NCS1: variants seen among roughly 807,000 people sequenced by gnomAD.
NCS1 encodes frequenin homolog.
In NCS1, 6 loss-of-function variants were observed where a neutral mutation model predicts 28.4. The ratio of observed to expected loss-of-function variants is 0.21; its 90% CI spans 0.12 to 0.42. The LOEUF is 0.42. Ranked by LOEUF, NCS1 falls within the 10% of genes least tolerant of loss-of-function variation. The probability of loss-of-function intolerance (pLI) is 1.00; values close to 1 mark genes in which losing one functional copy is unlikely to be tolerated. For synonymous variants in NCS1, 86 were observed against 99.3 expected (o/e 0.87, Z 0.79); for missense variants, 131 against 241.4 (o/e 0.54, Z 3.03).
At chr9:130,198,571 C>T (rs1433069575) in intron 1 of NCS1, among the ~76,000 whole-genome samples, 4 of 152,200 alleles carry the variant, frequency 2.6e-5, no homozygotes, top group Non-Finnish European at 4.4e-5. Flanking sequence ...CTCAGGTGAT[C>T]TCAGACAAAT....
intron 1 of NCS1, among the ~76,000 whole-genome samples, chr9:130,182,544 G>T (rs1447644178): frequency 6.6e-6 from 1 of 152,246 alleles, no homozygotes; most frequent in African/African-American, 2.4e-5. Flanking sequence ...CCAGGAAGGA[G>T]GCAGAGTTGA....
intron 2 of NCS1, among the ~76,000 whole-genome samples, chr9:130,205,096 C>T (rs1833006686): frequency 6.6e-6 from 1 of 151,912 alleles, no homozygotes. Flanking sequence ...AAGGTGGGGG[C>T]CTCGTTAGGA....
In NCS1 at chr9:130,223,074, C is replaced by A. The variant is rs1554910832; in HGVS notation, c.397-8C>A. 6.2e-7 allele frequency: 1 copy of A among 1,613,488 alleles called. No individual in the cohort carries two copies. Among genetic ancestry groups the A allele is most frequent in the Non-Finnish European group, 8.5e-7 (1 of 1,179,532 alleles). On this transcript the variant is annotated splice_region_variant and splice_polypyrimidine_tract_variant and intron_variant, in intron 5 of 7. Coordinates refer to ENST00000372398, the MANE Select transcript of NCS1 (RefSeq NM_014286.4). ...CAGGGCCCACCCCCGCCTTGTCCGT[C>A]CCTGCAGGGGAATACCGTGGAGCTC...
rs1318262633 is a variant in NCS1 at position 130,236,167 on chromosome 9, G to A, written c.*3195G>A. On this transcript the variant is annotated 3_prime_UTR_variant, in exon 8 of 8. Transcript: ENST00000372398. ...GGAACTTTGTGTTTTTTCGGAGGGG[G>A]TTGGTGGGGAGGTCGGGATGCCTGG... 3.3e-5 allele frequency: 5 copies of A among 152,354 alleles called. No homozygotes were observed. The highest frequency in any genetic ancestry group is 2.9e-5 in the Non-Finnish European group (2 of 68,032). 9.4% of individuals were successfully genotyped at this position (152,354 alleles called of 1,614,324 possible). A position where few individuals can be genotyped will look rare whatever the true frequency, so the allele number is the denominator to read the frequency against.
intron 1 of NCS1, chr9:130,200,604 G>C: frequency 6.4e-7 from 1 of 1,551,792 alleles, no homozygotes; most frequent in Non-Finnish European, 8.7e-7. Context: ...ATTGAGAGAT[G>C]GCAACGAGTA....
At chr9:130,176,153 T>C (rs1460928992) in intron 1 of NCS1, among the ~76,000 whole-genome samples, 1 of 70,620 alleles carries the variant, frequency 1.4e-5, no homozygotes. Flanking sequence ...TTTCTTTCTT[T>C]CTTTCTTTCT....
intron 2 of NCS1, among the ~76,000 whole-genome samples, chr9:130,216,173 A>G (rs1226781457): frequency 6.6e-6 from 1 of 152,272 alleles, no homozygotes; most frequent in Admixed American, 6.5e-5. Flanking sequence ...TATGGACCCT[A>G]ATCAGAGTGC....
intron 1 of NCS1, among the ~76,000 whole-genome samples, chr9:130,193,668 G>T (rs1159772680): frequency 3.9e-5 from 6 of 152,164 alleles, no homozygotes; most frequent in African/African-American, 1.4e-4. Flanking sequence ...GCTGGGAGGA[G>T]ACTGGGAGTG....
At chr9:130,195,644 G>A (rs564546110) in intron 1 of NCS1, among the ~76,000 whole-genome samples, 2 of 152,312 alleles carry the variant, frequency 1.3e-5, no homozygotes, top group South Asian at 2.1e-4. Flanking sequence ...GGCTGGTCTC[G>A]AACTCCTGGC....
rs141234147 is a variant in NCS1 at position 130,214,568 on chromosome 9, G to A, written c.90-3264G>A. 4.9e-3 allele frequency among the ~76,000 whole-genome samples: 747 copies of A among 152,270 alleles called. 10 individuals are homozygous for A. The highest frequency in any genetic ancestry group is 0.039 in the South Asian group (190 of 4,818). ...CGGGACGAGGACTCACACGTGAAGC[G>A]AACTGGGGAGGAGGCACTTGATCAG... On this transcript the variant is annotated intron_variant, in intron 2 of 7. Transcript: ENST00000372398.
intron 2 of NCS1, among the ~76,000 whole-genome samples, 172 bp downstream of exon 2, chr9:130,201,154 C>T (rs529233131): frequency 1.3e-5 from 2 of 152,102 alleles, no homozygotes; most frequent in East Asian, 1.9e-4. Context: ...GCGGGACTGA[C>T]GTGGTTTCAG....
intron 2 of NCS1, among the ~76,000 whole-genome samples, chr9:130,205,537 GAAA>G (rs1194053393): frequency 8.7e-6 from 1 of 115,168 alleles, no homozygotes; most frequent in African/African-American, 3.5e-5. Context: ...TCGTCTCTTA[GAAA>G]AAAAAAAAAA....
rs150043445 is a variant in NCS1, at chr9:130,219,654, G to A, written c.229-71G>A. 1.9e-4 allele frequency: 276 copies of A among 1,453,614 alleles called. No individual in the cohort carries two copies. Among genetic ancestry groups the A allele is most frequent in the South Asian group, 2.3e-4 (20 of 86,858 alleles). The allele number at this position is 1,453,614 out of a possible 1,614,324, so 90.0% of individuals were successfully genotyped here. A position where few individuals can be genotyped will look rare whatever the true frequency, so the allele number is the denominator to read the frequency against. On this transcript the variant is annotated intron_variant, in intron 3 of 7. Transcript: ENST00000372398. The surrounding 1 kb of genome is among the most constrained non-coding windows in gnomAD (Gnocchi z 5.7). Reference sequence around the variant, plus strand: ...TGGAGCCTGCGACTGCCCCTCGCCCGTCCCGAGGTTCAGCCTGACCCGGTG... The same window carrying A: ...TGGAGCCTGCGACTGCCCCTCGCCCATCCCGAGGTTCAGCCTGACCCGGTG...
At chr9:130,217,574 G>T (rs1833207330) in intron 2 of NCS1, among the ~76,000 whole-genome samples, 3 of 152,192 alleles carry the variant, frequency 2.0e-5, no homozygotes, top group Admixed American at 2.0e-4. Flanking sequence ...TGCAGTATCT[G>T]GGTTAATTCC....
rs75729561 is a variant in NCS1, at chr9:130,215,505, C to T, written c.90-2327C>T. On this transcript the variant is annotated intron_variant, in intron 2 of 7. Coordinates refer to ENST00000372398, the MANE Select transcript of NCS1 (RefSeq NM_014286.4). The surrounding 1 kb of genome is among the most constrained non-coding windows in gnomAD (Gnocchi z 4.2). The stretch of plus-strand genomic sequence containing the variant: ...GGTGGGCCTGCGGACATCACATGCA[C>T]GGGAGGGACGGATGCTGGGGTCGCA... Among the ~76,000 whole-genome samples, 754 of 152,248 alleles carry T rather than the reference C, an allele frequency of 5.0e-3. 11 individuals are homozygous for T. The highest frequency in any genetic ancestry group is 0.04 in the South Asian group (192 of 4,814).
intron 6 of NCS1, among the ~76,000 whole-genome samples, chr9:130,225,964 G>C (rs532348992): frequency 6.6e-6 from 1 of 152,250 alleles, no homozygotes; most frequent in South Asian, 2.1e-4. Context: ...GTCCAGTGTG[G>C]GCTGCTCCAG....
chr9:130,183,655 CTTTT>C (rs1425193979), intron 1 of NCS1, among the ~76,000 whole-genome samples: 1 of 139,026 alleles, frequency 7.2e-6, no homozygotes, highest in African/African-American at 2.6e-5. Context: ...TTCTTTCTTT[CTTTT>C]TCTTTCCTTC....
chr9:130,203,126 A>ATG (rs1554907645), intron 2 of NCS1, among the ~76,000 whole-genome samples: 2 of 67,938 alleles, frequency 2.9e-5, no homozygotes, highest in African/African-American at 8.3e-5. Flanking sequence ...GTGTATGTAT[A>ATG]TATATATATA....
Position 130,180,761 on chromosome 9 carries a change from G to A in NCS1, c.64+8034G>A, listed in dbSNP as rs147077129. On this transcript the variant is annotated intron_variant, in intron 1 of 7. Transcript: ENST00000372398. This position sits in a 1 kb window ranked among gnomAD's most constrained non-coding sequence, Gnocchi z 4.5. Reference sequence around the variant, plus strand: ...CTCCCAGGAAGGAGGCTGCTGGACCGGCTGTATCAGGGACAGCCGTTCTTG... The same window carrying A: ...CTCCCAGGAAGGAGGCTGCTGGACCAGCTGTATCAGGGACAGCCGTTCTTG... Among the ~76,000 whole-genome samples, 2,001 of 152,314 alleles carry A rather than the reference G, an allele frequency of 0.013. 50 individuals are homozygous for A. The highest frequency in any genetic ancestry group is 0.045 in the African/African-American group (1,858 of 41,556).
Sources: allele counts gnomAD v4.1 joint callset (sites outside exome capture counted in the v4.1 genomes callset), GRCh38; gene constraint gnomAD v4.1.1; non-coding constraint Gnocchi (gnomAD v3.1); transcripts MANE v1.5; gene names NCBI Gene and HGNC (gene_info 2026-07-23, HGNC 2026-07-21).